The following WDR70 variants were observed in gnomAD, a reference collection of about 807,000 sequenced individuals.
WDR70 encodes WD repeat domain 70.
In WDR70, 53 loss-of-function variants were observed where a neutral mutation model predicts 88.6. The observed-to-expected ratio is 0.60, with a 90% CI of 0.48 to 0.75. The LOEUF (loss-of-function observed/expected upper bound fraction) is 0.75, where lower values mean the gene tolerates loss of function less well. Among genes scored for constraint, WDR70 ranks in the 30% least tolerant of loss-of-function variants. The pLI is 0.00. For missense variants in WDR70, 610 were observed against 823.2 expected, an observed-to-expected ratio of 0.74 and a Z score of 3.17; for synonymous variants, 280 against 270.0, an observed-to-expected ratio of 1.04 and a Z score of -0.36.
intron 10 of WDR70, among the ~76,000 whole-genome samples, chr5:37,607,966 G>A (rs1010552308): frequency 6.6e-6 from 1 of 152,046 alleles, no homozygotes; most frequent in African/African-American, 2.4e-5. Flanking sequence ...AAGAATAGTG[G>A]GAGATGACAT....
In WDR70 at chr5:37,439,825, G is replaced by A. The variant is rs868518282; in HGVS notation, c.552+1844G>A. Among the ~76,000 whole-genome samples, 12 of 151,700 alleles carry A rather than the reference G, an allele frequency of 7.9e-5. No individual in the cohort carries two copies. In the South Asian group the frequency reaches 2.5e-3, roughly 32 times the overall value. On this transcript the variant is annotated intron_variant, in intron 6 of 17. Transcript: ENST00000265107. ...TAGTCCCCCCGTCCCCACCTTACAG[G>A]ATTATTTAAAAGCAAATACCTGACT...
intron 9 of WDR70, among the ~76,000 whole-genome samples, chr5:37,586,573 C>T (rs900133325): frequency 9.2e-5 from 14 of 152,072 alleles, no homozygotes; most frequent in East Asian, 1.9e-4. Flanking sequence ...CCCCACCCAC[C>T]GGCAGGCCCC....
At chr5:37,483,632 G>C (rs1315019448) in intron 8 of WDR70, among the ~76,000 whole-genome samples, 1 of 152,216 alleles carries the variant, frequency 6.6e-6, no homozygotes, top group East Asian at 1.9e-4. Context: ...TCCCAGACAG[G>C]GTGGTGGCCG....
intron 7 of WDR70, among the ~76,000 whole-genome samples, chr5:37,450,628 T>G (rs779104265): frequency 6.6e-6 from 1 of 152,234 alleles, no homozygotes; most frequent in Non-Finnish European, 1.5e-5. Context: ...AATTGTTAAT[T>G]GTACCTGTGT....
At chr5:37,648,553 G>T (rs1745306487) in intron 10 of WDR70, among the ~76,000 whole-genome samples, 1 of 127,216 alleles carries the variant, frequency 7.9e-6, no homozygotes, top group African/African-American at 5.4e-5. Flanking sequence ...TAGTTCAGTT[G>T]TTAGAAGTCA....
chr5:37,423,635 C>T (rs1230861866), intron 5 of WDR70, among the ~76,000 whole-genome samples: 5 of 143,298 alleles, frequency 3.5e-5, no homozygotes, highest in African/African-American at 1.0e-4. Context: ...GCTATCTTGG[C>T]TCATTGCAAC....
intron 7 of WDR70, among the ~76,000 whole-genome samples, chr5:37,461,876 C>G (rs1739017748): frequency 1.3e-5 from 2 of 152,050 alleles, no homozygotes; most frequent in Admixed American, 6.6e-5. Context: ...GTTTTTTGTG[C>G]CTGCTGCCTA....
At chr5:37,703,112 C>T (rs780962376) in intron 13 of WDR70, 25 bp downstream of exon 13, 2 of 1,585,498 alleles carry the variant, frequency 1.3e-6, no homozygotes, top group East Asian at 2.3e-5. Context: ...TTCTCCTCAG[C>T]CTTGAGAATA....
chr5:37,616,383 C>T (rs909984694), intron 10 of WDR70, among the ~76,000 whole-genome samples: 1 of 152,192 alleles, frequency 6.6e-6, no homozygotes, highest in African/African-American at 2.4e-5. Context: ...GCTGGGATTA[C>T]AGATGGCAGC....
At chr5:37,467,208 C>T (rs1739181066) in intron 7 of WDR70, among the ~76,000 whole-genome samples, 1 of 129,610 alleles carries the variant, frequency 7.7e-6, no homozygotes, top group Non-Finnish European at 1.6e-5. Flanking sequence ...GCCTGGACGA[C>T]AGAATGAGAC....
At chr5:37,547,171 GA>G (rs905466570) in intron 9 of WDR70, among the ~76,000 whole-genome samples, 2 of 152,138 alleles carry the variant, frequency 1.3e-5, no homozygotes, top group African/African-American at 2.4e-5. Flanking sequence ...TGTGTGTGGT[GA>G]CCCTGTTGGC....
chr5:37,659,305 T>C (rs1745636506), intron 10 of WDR70, among the ~76,000 whole-genome samples: 1 of 152,250 alleles, frequency 6.6e-6, no homozygotes, highest in Non-Finnish European at 1.5e-5. Context: ...TTATTAACTA[T>C]GGAAGTCATA....
At chr5:37,474,307 A>G (rs1423133723) in intron 7 of WDR70, among the ~76,000 whole-genome samples, 3 of 152,332 alleles carry the variant, frequency 2.0e-5, no homozygotes, top group Non-Finnish European at 4.4e-5. Flanking sequence ...TGGATCCAAC[A>G]TAGGTAAATT....
At chr5:37,730,700 A>G (rs1033229516) in intron 17 of WDR70, among the ~76,000 whole-genome samples, 7 of 152,140 alleles carry the variant, frequency 4.6e-5, no homozygotes, top group Non-Finnish European at 7.4e-5. Context: ...GGTATATTCA[A>G]GTTTTTTTCT....
At chr5:37,478,191 G>C (rs545933524) in intron 7 of WDR70, among the ~76,000 whole-genome samples, 2 of 152,088 alleles carry the variant, frequency 1.3e-5, no homozygotes, top group Non-Finnish European at 2.9e-5. Flanking sequence ...GTTTTTCTCC[G>C]TTGCATCGAC....
At chr5:37,675,351 G>A (rs1746170280) in intron 10 of WDR70, among the ~76,000 whole-genome samples, 1 of 152,040 alleles carries the variant, frequency 6.6e-6, no homozygotes, top group Admixed American at 6.6e-5. Flanking sequence ...TTCTTCTAGG[G>A]TTTTTATGGT....
chr5:37,712,107 C>T (rs1180584112), intron 13 of WDR70, among the ~76,000 whole-genome samples: 1 of 151,440 alleles, frequency 6.6e-6, no homozygotes, highest in African/African-American at 2.4e-5. Context: ...ATTCTCCTGC[C>T]TCAGCCTTCT....
rs116524965 is a variant in WDR70, at chr5:37,732,873, G to T, written c.1877+5828G>T. Among the ~76,000 whole-genome samples the T allele has an allele frequency of 6.0e-3, 917 of 151,988 alleles. 3 individuals carry two copies. The highest frequency in any genetic ancestry group is 8.2e-3 in the Non-Finnish European group (556 of 67,924). On this transcript the variant is annotated intron_variant, in intron 17 of 17. Coordinates refer to ENST00000265107, the MANE Select transcript of WDR70 (RefSeq NM_018034.4). ...GAGATTTAGAAATGGGGTGAGGGGT[G>T]CACTTTTGGGGTTTTATTTAGGAAG...
chr5:37,502,568 T>G (rs1341839523), intron 8 of WDR70, among the ~76,000 whole-genome samples: 1 of 152,190 alleles, frequency 6.6e-6, no homozygotes, highest in Non-Finnish European at 1.5e-5. Context: ...TTGTTTTAAA[T>G]TCTGTTTATG....
Sources: gnomAD v4.1 joint callset for allele counts (sites outside exome capture counted in the v4.1 genomes callset) on GRCh38, gnomAD v4.1.1 for gene constraint, MANE v1.5 for transcripts, NCBI Gene and HGNC (gene_info 2026-07-23, HGNC 2026-07-21) for gene names.